DPH6: variants seen among roughly 807,000 people sequenced by gnomAD.
The protein encoded by DPH6 is diphthamine biosynthesis 6, also known as diphthine--ammonia ligase.
Under a neutral mutation model 38.2 loss-of-function variants are expected in DPH6, and 33 were observed. The observed-to-expected ratio is 0.86, with a 90% CI of 0.65 to 1.15. The LOEUF (loss-of-function observed/expected upper bound fraction) is 1.15. Ranked by LOEUF, DPH6 falls within the 50% of genes most tolerant of loss-of-function variation. The probability of loss-of-function intolerance (pLI) is 0.00; values close to 1 mark genes in which losing one functional copy is unlikely to be tolerated. For synonymous variants in DPH6, 108 were observed against 103.0 expected (o/e 1.05, Z -0.30); for missense variants, 325 against 320.0 (o/e 1.02, Z -0.12).
intron 6 of DPH6, among the ~76,000 whole-genome samples, chr15:35,404,218 T>C (rs907472262): frequency 2.0e-5 from 3 of 152,148 alleles, no homozygotes; most frequent in African/African-American, 7.2e-5. Context: ...GATACACTGA[T>C]TTCCTTTCTT....
the DPH6 span, among the ~76,000 whole-genome samples, chr15:35,177,030 T>C: frequency 6.6e-6 from 1 of 152,184 alleles, no homozygotes; most frequent in African/African-American, 2.4e-5. Context: ...TGATTGTATT[T>C]GTATTTGCCA....
At chr15:35,274,514 T>C (rs1218549107) in intron 3 of DPH6, among the ~76,000 whole-genome samples, 1 of 150,830 alleles carries the variant, frequency 6.6e-6, no homozygotes, top group Non-Finnish European at 1.5e-5. Flanking sequence ...AGGGCTAATA[T>C]CCAGAAACTA....
At chr15:35,176,081 G>A in the DPH6 span, among the ~76,000 whole-genome samples, 176 of 152,302 alleles carry the variant, frequency 1.2e-3, 1 homozygote, top group African/African-American at 3.8e-3. Context: ...TTAAGATGGA[G>A]TTTATTTCCA....
chr15:35,432,026 A>G (rs1051186086), intron 5 of DPH6, among the ~76,000 whole-genome samples: 1 of 152,150 alleles, frequency 6.6e-6, no homozygotes, highest in Non-Finnish European at 1.5e-5. Context: ...ACCAAGTCCA[A>G]CTATGTGGGA....
intron 3 of DPH6, among the ~76,000 whole-genome samples, chr15:35,359,898 T>C (rs1214584921): frequency 6.6e-6 from 1 of 152,152 alleles, no homozygotes; most frequent in Non-Finnish European, 1.5e-5. Flanking sequence ...AACTTCCCAT[T>C]TTATTCATGT....
At chr15:35,223,273 G>T (rs553518971) in intron 3 of DPH6, among the ~76,000 whole-genome samples, 2 of 152,242 alleles carry the variant, frequency 1.3e-5, no homozygotes, top group South Asian at 2.1e-4. Context: ...GAGCAAGAAA[G>T]GCAAATCTAC....
intron 3 of DPH6, among the ~76,000 whole-genome samples, chr15:35,483,859 GA>G (rs1223055816): frequency 2.6e-5 from 4 of 152,130 alleles, no homozygotes; most frequent in African/African-American, 9.7e-5. Flanking sequence ...GCAATAAAAA[GA>G]AATGAAGTAC....
At chr15:35,198,191 CA>C in the DPH6 span, among the ~76,000 whole-genome samples, 1 of 99,648 alleles carries the variant, frequency 1.0e-5, no homozygotes, top group Non-Finnish European at 3.0e-5. Context: ...ATATTTTATT[CA>C]TTTTTTTTCT....
intron 3 of DPH6, among the ~76,000 whole-genome samples, chr15:35,335,433 T>G (rs2052363228): frequency 6.6e-6 from 1 of 152,030 alleles, no homozygotes; most frequent in Non-Finnish European, 1.5e-5. Context: ...ATTTGTCAAT[T>G]TTTGCTTTTG....
At chr15:35,282,263 C>T (rs990446130) in intron 3 of DPH6, among the ~76,000 whole-genome samples, 1 of 152,140 alleles carries the variant, frequency 6.6e-6, no homozygotes, top group Non-Finnish European at 1.5e-5. Flanking sequence ...CCTGGAACTC[C>T]TGGGCCCAAG....
chr15:35,221,199 G>A (rs1379380103), intron 3 of DPH6, among the ~76,000 whole-genome samples: 4 of 152,174 alleles, frequency 2.6e-5, no homozygotes, highest in Non-Finnish European at 5.9e-5. Flanking sequence ...TAGGCCTCAG[G>A]CAGTCCCACC....
intron 3 of DPH6, among the ~76,000 whole-genome samples, chr15:35,495,247 C>T (rs539202056): frequency 1.3e-5 from 2 of 152,092 alleles, no homozygotes; most frequent in East Asian, 1.9e-4. Flanking sequence ...CCAATATGTC[C>T]GGTATCCTTA....
intron 6 of DPH6, chr15:35,401,135 CTG>C: frequency 8.3e-6 from 8 of 967,506 alleles, no homozygotes; most frequent in South Asian, 7.7e-5. Context: ...GTGGATAAGA[CTG>C]TCATTCAGAA....
At chr15:35,198,909 G>A in the DPH6 span, among the ~76,000 whole-genome samples, 1 of 151,682 alleles carries the variant, frequency 6.6e-6, no homozygotes, top group East Asian at 1.9e-4. Flanking sequence ...AAAATAATTT[G>A]TTGTCTTCTT....
At chr15:35,428,622 C>T (rs966890366) in intron 5 of DPH6, among the ~76,000 whole-genome samples, 2 of 152,130 alleles carry the variant, frequency 1.3e-5, no homozygotes, top group African/African-American at 4.8e-5. Context: ...GCCACACACG[C>T]TAAGACCTGT....
chr15:35,378,447 T>C (rs536480332), intron 7 of DPH6, among the ~76,000 whole-genome samples: 3 of 152,294 alleles, frequency 2.0e-5, no homozygotes, highest in Admixed American at 6.5e-5. Context: ...GACCTAGAAA[T>C]ACCATTTGAC....
chr15:35,544,798 C>T (rs1253383611), intron 1 of DPH6, among the ~76,000 whole-genome samples: 4 of 152,186 alleles, frequency 2.6e-5, no homozygotes, highest in Non-Finnish European at 5.9e-5. Context: ...TACCAATCTT[C>T]TCTCCTCCCC....
chr15:35,372,915 T>C (rs996330161), intron 8 of DPH6, among the ~76,000 whole-genome samples: 5 of 152,004 alleles, frequency 3.3e-5, no homozygotes, highest in Admixed American at 3.3e-4. Flanking sequence ...ATCATTTTTA[T>C]GGTAACTAAT....
chr15:35,377,003 C>T (rs2052790084), intron 7 of DPH6, among the ~76,000 whole-genome samples: 2 of 152,048 alleles, frequency 1.3e-5, no homozygotes, highest in South Asian at 4.1e-4. Context: ...CATATATGCA[C>T]ATATATATAC....
Sources: gnomAD v4.1 joint callset for allele counts (sites outside exome capture counted in the v4.1 genomes callset) on GRCh38, gnomAD v4.1.1 for gene constraint, MANE v1.5 for transcripts, NCBI Gene and HGNC (gene_info 2026-07-23, HGNC 2026-07-21) for gene names.